The following MTREX variants were observed in gnomAD, a reference collection of about 807,000 sequenced individuals.
MTREX encodes the protein Mtr4 exosome RNA helicase, also known as exosome RNA helicase MTR4.
A neutral mutation model predicts 135.4 loss-of-function variants in MTREX; 76 were observed. The observed-to-expected ratio is 0.56, with a 90% CI of 0.47 to 0.68. The LOEUF is 0.68. Ranked by LOEUF, MTREX falls within the 30% of genes least tolerant of loss-of-function variation. The pLI is 0.00. For synonymous variants in MTREX, 404 were observed against 401.6 expected (o/e 1.01, Z -0.07); for missense variants, 920 against 1,262.1 (o/e 0.73, Z 4.11).
chr5:55,343,479 G>A lies in MTREX; in HGVS notation c.906+24G>A, dbSNP rs747776234. 13 of 1,598,588 alleles carry A rather than the reference G, an allele frequency of 8.1e-6. No individual in the cohort carries two copies. In the Admixed American group the frequency reaches 2.2e-4, roughly 27 times the overall value. ...AGGTATTTTTTCCTCCTTTTTTGAT[G>A]TCTTCAATATTCAAAATGTTACAGA... On this transcript the variant is annotated intron_variant, in intron 8 of 26. Coordinates refer to ENST00000230640, the MANE Select transcript of MTREX (RefSeq NM_015360.5).
At chr5:55,405,284 C>G (rs1362303378) in intron 21 of MTREX, 141 bp from the exon 22 acceptor site, 1 of 584,582 alleles carries the variant, frequency 1.7e-6, no homozygotes, top group East Asian at 2.8e-5. Flanking sequence ...TTTCCCCAGT[C>G]TCCCCAGCAC....
chr5:55,360,040 A>ATTTT, intron 15 of MTREX, among the ~76,000 whole-genome samples: 1 of 152,224 alleles, frequency 6.6e-6, no homozygotes. Flanking sequence ...ATTTTAGAAT[A>ATTTT]TTTTCATCAA....
chr5:55,311,642 C>G (rs1749114757), intron 1 of MTREX, among the ~76,000 whole-genome samples: 1 of 152,158 alleles, frequency 6.6e-6, no homozygotes, highest in Admixed American at 6.5e-5. Context: ...ACATAATAGC[C>G]ACTATCCTCA....
Position 55,412,682 on chromosome 5 carries a change from C to T in MTREX, c.2752-1500C>T, listed in dbSNP as rs1369345559. On this transcript the variant is annotated intron_variant, in intron 23 of 26. Transcript: ENST00000230640. ...AGGAGAGATGAGGGAACAAACTGTACATACCTGGTGGGAGAACATTGTTAA... is the reference window on the plus strand; with the variant it reads ...AGGAGAGATGAGGGAACAAACTGTATATACCTGGTGGGAGAACATTGTTAA... Among the ~76,000 whole-genome samples, 3 of 152,208 alleles carry T rather than the reference C, an allele frequency of 2.0e-5. No homozygotes were observed. In the East Asian group the frequency reaches 5.8e-4, roughly 29 times the overall value.
chr5:55,394,859 C>T (rs1184866022), intron 19 of MTREX, among the ~76,000 whole-genome samples: 1 of 151,708 alleles, frequency 6.6e-6, no homozygotes. Context: ...ATGGTGTAAC[C>T]CCATCTCTAC....
chr5:55,416,888 AGTTT>A (rs1233997380), intron 25 of MTREX, among the ~76,000 whole-genome samples: 3 of 152,144 alleles, frequency 2.0e-5, no homozygotes, highest in Admixed American at 2.0e-4. Flanking sequence ...TTATAGGTTT[AGTTT>A]GAGAAAAATT....
chr5:55,320,758 T>C lies in MTREX; in HGVS notation c.135-1569T>C, dbSNP rs184252641. 2.0e-5 allele frequency among the ~76,000 whole-genome samples: 3 copies of C among 152,350 alleles called. No individual in the cohort carries two copies. The East Asian group carries it at 5.8e-4, about 29-fold the overall frequency. Reference sequence around the variant, plus strand: ...TTTTATGTTTGGCTTTGGCTCAACATCGTTTGCACAATTCATGACTAAATG... The same window carrying C: ...TTTTATGTTTGGCTTTGGCTCAACACCGTTTGCACAATTCATGACTAAATG... On this transcript the variant is annotated intron_variant, in intron 1 of 26. Transcript: ENST00000230640.
intron 18 of MTREX, among the ~76,000 whole-genome samples, chr5:55,384,267 C>T (rs1285274263): frequency 6.6e-6 from 1 of 152,206 alleles, no homozygotes; most frequent in African/African-American, 2.4e-5. Context: ...TTGATATTAT[C>T]TGCTAGTTCA....
chr5:55,394,417 A>G (rs905832423), intron 19 of MTREX, among the ~76,000 whole-genome samples: 9 of 152,212 alleles, frequency 5.9e-5, no homozygotes, highest in Admixed American at 3.3e-4. Flanking sequence ...TTTTTGGCAC[A>G]AGAAACTGGT....
chr5:55,376,822 C>CA (rs1373614751), intron 16 of MTREX, among the ~76,000 whole-genome samples: 1 of 152,148 alleles, frequency 6.6e-6, no homozygotes. Context: ...GTAATTCTAG[C>CA]ACTTTGGGAG....
intron 10 of MTREX, among the ~76,000 whole-genome samples, chr5:55,345,542 C>G (rs1749717637): frequency 6.6e-6 from 1 of 152,108 alleles, no homozygotes; most frequent in Admixed American, 6.6e-5. Flanking sequence ...TCTCATCCCG[C>G]AGACTTAGTT....
intron 15 of MTREX, among the ~76,000 whole-genome samples, chr5:55,361,129 GTAGA>G (rs1454317561): frequency 6.6e-6 from 1 of 152,150 alleles, no homozygotes; most frequent in Non-Finnish European, 1.5e-5. Context: ...TGTACTTAAA[GTAGA>G]TAGGCTAAAA....
intron 1 of MTREX, among the ~76,000 whole-genome samples, chr5:55,311,287 T>C (rs976489447): frequency 1.3e-5 from 2 of 152,164 alleles, no homozygotes; most frequent in African/African-American, 4.8e-5. Flanking sequence ...CCAACAAAAC[T>C]AACAATAATT....
rs1179095366 is a variant in MTREX, at chr5:55,376,305, A to G, written c.1811-2009A>G. Reference sequence around the variant, plus strand: ...TGATGCAGAAATCCAAAGTATTCCAATCGCACTGCATTTGCATGCGACGTT... The same window carrying G: ...TGATGCAGAAATCCAAAGTATTCCAGTCGCACTGCATTTGCATGCGACGTT... On this transcript the variant is annotated intron_variant, in intron 16 of 26. Coordinates refer to ENST00000230640, the MANE Select transcript of MTREX (RefSeq NM_015360.5). Among the ~76,000 whole-genome samples, 5 of 152,238 alleles carry G rather than the reference A, an allele frequency of 3.3e-5. No individual in the cohort carries two copies. In the East Asian group the frequency reaches 5.8e-4, roughly 18 times the overall value.
chr5:55,378,614 A>C, intron 17 of MTREX, 128 bp downstream of exon 17: 1 of 1,088,066 alleles, frequency 9.2e-7, no homozygotes, highest in Non-Finnish European at 1.3e-6. Flanking sequence ...TATATTAATC[A>C]TATTATTTTA....
intron 18 of MTREX, among the ~76,000 whole-genome samples, chr5:55,380,301 G>T (rs1449552929): frequency 6.6e-6 from 1 of 152,040 alleles, no homozygotes; most frequent in Non-Finnish European, 1.5e-5. Flanking sequence ...CCCGGTTAGG[G>T]TGTATGACTC....
At chr5:55,385,384 A>G (rs1471405653) in intron 18 of MTREX, among the ~76,000 whole-genome samples, 4 of 152,110 alleles carry the variant, frequency 2.6e-5, no homozygotes, top group Non-Finnish European at 5.9e-5. Flanking sequence ...GGGAGCCTCT[A>G]CCTTTCAGCC....
At chr5:55,311,201 G>C (rs1355806198) in intron 1 of MTREX, among the ~76,000 whole-genome samples, 1 of 152,024 alleles carries the variant, frequency 6.6e-6, no homozygotes, top group Non-Finnish European at 1.5e-5. Flanking sequence ...GTCATGATCA[G>C]TCTATTCCTA....
At chr5:55,342,920 A>G (rs1456897496) in intron 7 of MTREX, among the ~76,000 whole-genome samples, 1 of 152,186 alleles carries the variant, frequency 6.6e-6, no homozygotes, top group Non-Finnish European at 1.5e-5. Context: ...AGAGGATCAC[A>G]AGGATAATTT....
Sources: gnomAD v4.1 joint callset for allele counts (sites outside exome capture counted in the v4.1 genomes callset) on GRCh38, gnomAD v4.1.1 for gene constraint, MANE v1.5 for transcripts, NCBI Gene and HGNC (gene_info 2026-07-23, HGNC 2026-07-21) for gene names.